The following CNOT4 variants were observed in gnomAD, a reference collection of about 807,000 sequenced individuals.
CNOT4 encodes the protein CCR4-NOT transcription complex subunit 4.
In CNOT4, 8 loss-of-function variants were observed where a neutral mutation model predicts 73.8. The observed-to-expected ratio is 0.11, with a 90% CI of 0.06 to 0.20. The LOEUF (loss-of-function observed/expected upper bound fraction) is 0.20. Among genes scored for constraint, CNOT4 ranks in the 10% least tolerant of loss-of-function variants. The pLI is 1.00. For synonymous variants in CNOT4, 293 were observed against 321.1 expected (o/e 0.91, Z 0.94); for missense variants, 564 against 883.4 (o/e 0.64, Z 4.58).
intron 2 of CNOT4, among the ~76,000 whole-genome samples, chr7:135,426,420 G>GA (rs759075989): frequency 1.3e-5 from 2 of 151,804 alleles, no homozygotes; most frequent in Non-Finnish European, 2.9e-5. Flanking sequence ...GGCTAACACG[G>GA]TGAAACCCCA....
chr7:135,439,599 C>T (rs1021171846), intron 1 of CNOT4, among the ~76,000 whole-genome samples: 1 of 152,102 alleles, frequency 6.6e-6, no homozygotes, highest in African/African-American at 2.4e-5. Context: ...CACAACATAG[C>T]AAAGCCCTCA....
At chr7:135,502,084 C>T (rs548416590) in intron 1 of CNOT4, among the ~76,000 whole-genome samples, 76 of 152,310 alleles carry the variant, frequency 5.0e-4, no homozygotes, top group African/African-American at 1.6e-3. Context: ...CATAGCATGA[C>T]GGCCCTGCCA....
At chr7:135,398,648 C>T (rs556733469) in intron 7 of CNOT4, among the ~76,000 whole-genome samples, 10 of 152,164 alleles carry the variant, frequency 6.6e-5, no homozygotes, top group Non-Finnish European at 1.0e-4. Context: ...TATAAAATCT[C>T]TACCCTTAAG....
At chr7:135,497,071 G>C (rs1268104696) in intron 1 of CNOT4, among the ~76,000 whole-genome samples, 1 of 151,732 alleles carries the variant, frequency 6.6e-6, no homozygotes, top group Non-Finnish European at 1.5e-5. Flanking sequence ...GACTCCCAAA[G>C]TGTTGGATTA....
intron 1 of CNOT4, among the ~76,000 whole-genome samples, chr7:135,492,671 C>T (rs753007583): frequency 3.3e-5 from 5 of 152,164 alleles, no homozygotes; most frequent in Non-Finnish European, 7.3e-5. Flanking sequence ...GTGGCTCACA[C>T]TTGTAATCCC....
intron 10 of CNOT4, among the ~76,000 whole-genome samples, chr7:135,379,351 A>G (rs967998312): frequency 2.4e-4 from 37 of 152,326 alleles, no homozygotes; most frequent in African/African-American, 8.4e-4. Context: ...AGGTCTTAGG[A>G]GTTTACATCT....
At chr7:135,391,533 T>C (rs954012435) in intron 10 of CNOT4, among the ~76,000 whole-genome samples, 1 of 151,504 alleles carries the variant, frequency 6.6e-6, no homozygotes, top group Admixed American at 6.6e-5. Context: ...TTAGCATCTC[T>C]GAAAAAAAAA....
chr7:135,455,071 A>G (rs1242506999), intron 1 of CNOT4, among the ~76,000 whole-genome samples: 1 of 151,906 alleles, frequency 6.6e-6, no homozygotes, highest in East Asian at 1.9e-4. Context: ...CTGGACTACA[A>G]AGCGAGGCCC....
In CNOT4 at chr7:135,362,132, AATAG is replaced by A. The variant is rs1794678005; in HGVS notation, c.*749_*752del. The stretch of plus-strand genomic sequence containing the variant: ...CTTACATTTCAGCTCTTATATTATT[AATAG>A]GTATTAAATCTGTGAATACTTTTTT... On this transcript the variant is annotated 3_prime_UTR_variant, in exon 12 of 12. Coordinates refer to ENST00000541284, the MANE Select transcript of CNOT4 (RefSeq NM_001190850.2). 1 of 152,428 alleles carries A rather than the reference AATAG, an allele frequency of 6.6e-6. No individual in the cohort carries two copies. The highest frequency in any genetic ancestry group is 1.5e-5 in the Non-Finnish European group (1 of 68,194). The allele number at this position is 152,428 out of a possible 1,614,324, so 9.4% of individuals were successfully genotyped here. A position where few individuals can be genotyped will look rare whatever the true frequency, so the allele number is the denominator to read the frequency against.
At chr7:135,428,258 G>C (rs1005764990) in intron 2 of CNOT4, among the ~76,000 whole-genome samples, 5 of 152,104 alleles carry the variant, frequency 3.3e-5, no homozygotes, top group African/African-American at 1.2e-4. Flanking sequence ...TCTCTAGAGA[G>C]GAGCAAATCC....
intron 3 of CNOT4, among the ~76,000 whole-genome samples, chr7:135,416,250 C>T (rs1223275844): frequency 6.6e-6 from 1 of 152,116 alleles, no homozygotes; most frequent in African/African-American, 2.4e-5. Flanking sequence ...TATAATTTAG[C>T]TATTATGTTC....
chr7:135,379,911 A>C lies in CNOT4; in HGVS notation c.1627+14007T>G, dbSNP rs145221603. ...CTACTTTCTGTTCCATCAATACATT[A>C]TTTCAGTATGCAAGTCTGATAACAG... is the stretch of plus-strand genomic sequence containing the variant. On this transcript the variant is annotated intron_variant, in intron 10 of 11. Transcript: ENST00000541284. 5.6e-3 allele frequency among the ~76,000 whole-genome samples: 847 copies of C among 150,910 alleles called. 5 individuals are homozygous for C. The highest frequency in any genetic ancestry group is 0.01 in the Non-Finnish European group (680 of 67,830).
At position 135,364,507 on chromosome 7, in the gene CNOT4, C is replaced by T. The variant is rs1468399024; in HGVS notation, c.1628-441G>A. Among the ~76,000 whole-genome samples the T allele has an allele frequency of 6.6e-6, 1 of 152,154 alleles. No homozygotes were observed. Among genetic ancestry groups the T allele is most frequent in the Non-Finnish European group, 1.5e-5 (1 of 68,026 alleles). ...CTCAGCCCACAAATGGAAGAAAAGT[C>T]ATTTTATGAAGAATAAACATAAGCA... On this transcript the variant is annotated intron_variant, in intron 10 of 11. Transcript: ENST00000541284. This position sits in a 1 kb window ranked among gnomAD's most constrained non-coding sequence, Gnocchi z 4.3.
In CNOT4 at chr7:135,422,041, T is replaced by C. The variant is rs1024952789; in HGVS notation, c.372+115A>G. 11 of 644,750 alleles carry C rather than the reference T, an allele frequency of 1.7e-5. No individual in the cohort carries two copies. In the African/African-American group the frequency reaches 2.0e-4, roughly 12 times the overall value. 39.9% of individuals were successfully genotyped at this position (644,750 alleles called of 1,614,324 possible). A position where few individuals can be genotyped will look rare whatever the true frequency, so the allele number is the denominator to read the frequency against. ...TCAAAAGTAATTTCTTATTTTCTCC[T>C]TCAAGATATAATGTGTTCAGAGGAA... On this transcript the variant is annotated intron_variant, in intron 3 of 11. Transcript: ENST00000541284.
At chr7:135,373,464 G>A (rs62481570) in intron 10 of CNOT4, among the ~76,000 whole-genome samples, 5,781 of 152,306 alleles carry the variant, frequency 0.038, 155 homozygotes, top group Non-Finnish European at 0.056. Context: ...CTGAAAATGA[G>A]TTTTATCCCA....
At chr7:135,412,467 C>CA (rs1300525433) in intron 6 of CNOT4, among the ~76,000 whole-genome samples, 1 of 151,502 alleles carries the variant, frequency 6.6e-6, no homozygotes, top group Non-Finnish European at 1.5e-5. Context: ...AGGTTTCATC[C>CA]AAAAAACAAA....
intron 1 of CNOT4, among the ~76,000 whole-genome samples, chr7:135,445,861 TTA>T (rs1254653837): frequency 1.3e-5 from 2 of 152,130 alleles, no homozygotes; most frequent in Non-Finnish European, 2.9e-5. Context: ...GACAAATATT[TTA>T]TGTTTTCACT....
At chr7:135,463,673 A>G (rs757512177) in intron 1 of CNOT4, among the ~76,000 whole-genome samples, 10 of 152,144 alleles carry the variant, frequency 6.6e-5, no homozygotes, top group Non-Finnish European at 1.5e-4. Flanking sequence ...AAAAGCAAAA[A>G]TTGACAAGTG....
chr7:135,468,444 G>A (rs554334354), intron 1 of CNOT4, among the ~76,000 whole-genome samples: 1 of 152,166 alleles, frequency 6.6e-6, no homozygotes, highest in African/African-American at 2.4e-5. Context: ...ACTTTGGGAG[G>A]CCAAGGCAGG....
Sources: gnomAD v4.1 joint callset for allele counts (sites outside exome capture counted in the v4.1 genomes callset) on GRCh38, gnomAD v4.1.1 for gene constraint, Gnocchi (gnomAD v3.1) non-coding constraint, MANE v1.5 for transcripts, NCBI Gene and HGNC (gene_info 2026-07-23, HGNC 2026-07-21) for gene names.